The following NRXN3 variants were observed in gnomAD, a reference collection of about 807,000 sequenced individuals.
NRXN3 encodes neurexin 3, also known as neurexin III.
Under a neutral mutation model 137.6 loss-of-function variants are expected in NRXN3, and 32 were observed. The observed-to-expected ratio is 0.23, with a 90% CI of 0.18 to 0.31. The LOEUF (loss-of-function observed/expected upper bound fraction) is 0.31. NRXN3 is among the 10% of genes least tolerant of loss of function. The probability of loss-of-function intolerance (pLI) is 1.00; values close to 1 mark genes in which losing one functional copy is unlikely to be tolerated. For synonymous variants in NRXN3, 798 were observed against 784.5 expected (o/e 1.02, Z -0.29); for missense variants, 1,574 against 2,062.5 (o/e 0.76, Z 4.59).
At chr14:79,345,360 A>G (rs1349325196) in intron 15 of NRXN3, among the ~76,000 whole-genome samples, 2 of 152,172 alleles carry the variant, frequency 1.3e-5, no homozygotes, top group African/African-American at 4.8e-5. Context: ...TGGGTAAGGG[A>G]AATTGATATT....
intron 8 of NRXN3, among the ~76,000 whole-genome samples, chr14:78,789,328 G>A (rs1200331449): frequency 6.6e-6 from 1 of 152,102 alleles, no homozygotes; most frequent in South Asian, 2.1e-4. Flanking sequence ...TCTAGTTAAG[G>A]GGTTCTCAAC....
intron 4 of NRXN3, among the ~76,000 whole-genome samples, chr14:78,525,205 T>C (rs1388092989): frequency 1.3e-5 from 2 of 152,138 alleles, no homozygotes; most frequent in African/African-American, 4.8e-5. Flanking sequence ...CTGGACAGAG[T>C]TTCCAGCTTT....
intron 15 of NRXN3, among the ~76,000 whole-genome samples, chr14:78,990,919 A>G (rs2099517517): frequency 6.6e-6 from 1 of 152,212 alleles, no homozygotes. Context: ...ATTATTTTCT[A>G]TAGCAGCCTT....
At chr14:78,914,081 A>G (rs1291643124) in intron 10 of NRXN3, among the ~76,000 whole-genome samples, 1 of 152,022 alleles carries the variant, frequency 6.6e-6, no homozygotes, top group Non-Finnish European at 1.5e-5. Context: ...TCCAAACTGG[A>G]CCCTCTTCAT....
chr14:78,613,160 A>C (rs2097314539), intron 4 of NRXN3, among the ~76,000 whole-genome samples: 1 of 151,820 alleles, frequency 6.6e-6, no homozygotes, highest in South Asian at 2.1e-4. Context: ...AACTTGTTTA[A>C]TTGCGCTAAG....
intron 10 of NRXN3, among the ~76,000 whole-genome samples, chr14:78,913,875 GT>G (rs1171862288): frequency 6.6e-6 from 1 of 152,050 alleles, no homozygotes; most frequent in Non-Finnish European, 1.5e-5. Flanking sequence ...GATCCCCATG[GT>G]GCTAGTTTGG....
At chr14:79,790,367 ATCATGGCTCACTGGAGCC>A (rs2099141365) in intron 19 of NRXN3, among the ~76,000 whole-genome samples, 1 of 152,022 alleles carries the variant, frequency 6.6e-6, no homozygotes, top group East Asian at 1.9e-4. Flanking sequence ...GGGTGGCACG[ATCATGGCTCACTGGAGCC>A]TCAACCTCCC....
chr14:78,746,635 C>T (rs985232660), intron 8 of NRXN3, among the ~76,000 whole-genome samples: 2 of 152,144 alleles, frequency 1.3e-5, no homozygotes, highest in Non-Finnish European at 2.9e-5. Flanking sequence ...GAAGTCCTCT[C>T]CTTTTAGGGA....
chr14:78,500,734 T>C (rs145533525), intron 4 of NRXN3, among the ~76,000 whole-genome samples: 1 of 152,222 alleles, frequency 6.6e-6, no homozygotes, highest in East Asian at 1.9e-4. Context: ...CCCTTATAAT[T>C]ATTTTCATTC....
chr14:79,142,194 C>T (rs777108810), intron 15 of NRXN3, among the ~76,000 whole-genome samples: 1 of 151,928 alleles, frequency 6.6e-6, no homozygotes, highest in African/African-American at 2.4e-5. Flanking sequence ...TTTAGGAAGC[C>T]GAGGTGGACG....
intron 10 of NRXN3, among the ~76,000 whole-genome samples, chr14:78,891,948 A>G (rs976565501): frequency 6.6e-6 from 1 of 151,982 alleles, no homozygotes; most frequent in Admixed American, 6.6e-5. Flanking sequence ...TGGAAATACA[A>G]AGACAGAATT....
chr14:79,216,684 A>T (rs1434932533), intron 15 of NRXN3, among the ~76,000 whole-genome samples: 1 of 152,154 alleles, frequency 6.6e-6, no homozygotes, highest in African/African-American at 2.4e-5. Context: ...CACCTTTCTA[A>T]AGAACGCTCT....
chr14:78,415,368 C>CCAAA (rs1181640236), intron 4 of NRXN3, among the ~76,000 whole-genome samples: 1 of 152,162 alleles, frequency 6.6e-6, no homozygotes, highest in Admixed American at 6.5e-5. Context: ...TCATAACAAA[C>CCAAA]TGTCACAACA....
At chr14:79,188,940 G>C (rs2063875390) in intron 15 of NRXN3, among the ~76,000 whole-genome samples, 1 of 152,106 alleles carries the variant, frequency 6.6e-6, no homozygotes, top group Non-Finnish European at 1.5e-5. Flanking sequence ...CTGTCGGTGG[G>C]ACTGTAAACT....
At chr14:79,697,273 T>C (rs1161361245) in intron 18 of NRXN3, among the ~76,000 whole-genome samples, 1 of 152,006 alleles carries the variant, frequency 6.6e-6, no homozygotes, top group Non-Finnish European at 1.5e-5. Flanking sequence ...ATGCAGTAGG[T>C]ATCCGTAATT....
intron 15 of NRXN3, among the ~76,000 whole-genome samples, chr14:79,358,434 C>T (rs773118415): frequency 7.3e-5 from 11 of 151,186 alleles, no homozygotes; most frequent in African/African-American, 2.7e-4. Flanking sequence ...ATCAGCCAGG[C>T]ATGGTGGCGG....
intron 15 of NRXN3, among the ~76,000 whole-genome samples, chr14:79,046,830 C>T (rs9323671): frequency 0.38 from 57,457 of 152,012 alleles, 11,338 homozygotes; most frequent in Admixed American, 0.49. Flanking sequence ...TATCATTCTA[C>T]TTTGAACCAG....
At chr14:79,060,456 G>T (rs2099672783) in intron 15 of NRXN3, among the ~76,000 whole-genome samples, 3 of 152,270 alleles carry the variant, frequency 2.0e-5, no homozygotes. Flanking sequence ...ATGTCAGGAT[G>T]CCACTTTTTC....
At chr14:78,407,789 A>G (rs559669818) in intron 4 of NRXN3, among the ~76,000 whole-genome samples, 1 of 152,146 alleles carries the variant, frequency 6.6e-6, no homozygotes, top group South Asian at 2.1e-4. Context: ...ACGAAGTCGT[A>G]TTGATTTTAT....
Sources: allele counts gnomAD v4.1 joint callset (sites outside exome capture counted in the v4.1 genomes callset), GRCh38; gene constraint gnomAD v4.1.1; transcripts MANE v1.5; gene names NCBI Gene and HGNC (gene_info 2026-07-23, HGNC 2026-07-21).